CXCL17: variants seen among roughly 807,000 people sequenced by gnomAD.
CXCL17 encodes the protein C-X-C motif chemokine ligand 17.
Under a neutral mutation model 15.5 loss-of-function variants are expected in CXCL17, and 9 were observed. The ratio of observed to expected loss-of-function variants is 0.58; its 90% CI spans 0.35 to 1.01. CXCL17 has a LOEUF of 1.01. CXCL17 is among the 50% of genes least tolerant of loss of function. The pLI, the probability that CXCL17 is intolerant of heterozygous loss-of-function variation, is 0.02. For missense variants in CXCL17, 133 were observed against 138.2 expected, an observed-to-expected ratio of 0.96 and a Z score of 0.19; for synonymous variants, 52 against 52.3, an observed-to-expected ratio of 0.99 and a Z score of 0.02.
At chr19:42,438,353 T>C (rs2040853122) in intron 1 of CXCL17, among the ~76,000 whole-genome samples, 2 of 11,860 alleles carry the variant, frequency 1.7e-4, no homozygotes, top group Non-Finnish European at 2.4e-4. Flanking sequence ...AGACTCTGTC[T>C]CAAAAAAAAA....
chr19:42,438,395 T>TAC (rs2040856972), intron 1 of CXCL17, among the ~76,000 whole-genome samples: 1 of 102,238 alleles, frequency 9.8e-6, no homozygotes, highest in Non-Finnish European at 1.8e-5. Flanking sequence ...TATATATATA[T>TAC]ATATATATAT....
At chr19:42,433,194 A>G (rs1329583273) in intron 2 of CXCL17, 117 bp from the exon 3 acceptor site, 1 of 668,334 alleles carries the variant, frequency 1.5e-6, no homozygotes, top group Non-Finnish European at 2.6e-6. Context: ...ATGGGGTGGG[A>G]AAAGGGGTCA....
intron 3 of CXCL17, among the ~76,000 whole-genome samples, chr19:42,429,896 A>G (rs1420454988): frequency 1.3e-5 from 2 of 152,198 alleles, no homozygotes; most frequent in Non-Finnish European, 1.5e-5. Context: ...GGCCGGGCAT[A>G]GTGGCTTGTG....
intron 1 of CXCL17, 104 bp downstream of exon 1, chr19:42,442,650 T>G: frequency 1.3e-6 from 1 of 776,212 alleles, no homozygotes; most frequent in South Asian, 1.6e-5. Flanking sequence ...AAGGCTCACT[T>G]GCCCCATCCC....
intron 3 of CXCL17, among the ~76,000 whole-genome samples, chr19:42,431,135 T>C (rs1335235676): frequency 6.6e-6 from 1 of 152,252 alleles, no homozygotes; most frequent in East Asian, 1.9e-4. Flanking sequence ...CCACTGCACC[T>C]GGCCTCACTT....
chr19:42,441,099 T>TA (rs1171734465), intron 1 of CXCL17, among the ~76,000 whole-genome samples: 3 of 152,170 alleles, frequency 2.0e-5, no homozygotes, highest in Non-Finnish European at 4.4e-5. Flanking sequence ...AGTTAGCTAA[T>TA]GTTTGCTGAG....
rs377513416 is a variant in CXCL17, at chr19:42,433,021, T to G, written c.217A>C (p.Lys73Gln). The G allele has an allele frequency of 6.2e-7, 1 of 1,614,156 alleles. No individual in the cohort carries two copies. The highest frequency in any genetic ancestry group is 1.7e-5 in the Admixed American group (1 of 60,002). Residue 73 changes from lysine to glutamine, a missense_variant, in exon 3 of 4, where the codon AAG (lysine) becomes CAG (glutamine). Transcript: ENST00000601181. ...KFMTVSGLPKKQCPCDHFKGN... is the reference protein window; with the variant it reads ...KFMTVSGLPKQQCPCDHFKGN... ...TTGAAATGATCACAGGGGCACTGCTTCTTTGGCAGCCCAGACACTGTCATG... is the reference window on the plus strand; with the variant it reads ...TTGAAATGATCACAGGGGCACTGCTGCTTTGGCAGCCCAGACACTGTCATG...
chr19:42,431,256 C>T (rs1220597111), intron 3 of CXCL17, among the ~76,000 whole-genome samples: 2 of 152,128 alleles, frequency 1.3e-5, no homozygotes, highest in African/African-American at 2.4e-5. Flanking sequence ...TATTTTTGCC[C>T]GTTTGTCTGT....
chr19:42,434,060 T>C (rs1376307669), intron 1 of CXCL17, among the ~76,000 whole-genome samples: 2 of 152,220 alleles, frequency 1.3e-5, no homozygotes, highest in East Asian at 1.9e-4. Context: ...TCTTGAACTC[T>C]TGGGCTCCAG....
intron 2 of CXCL17, 123 bp from the exon 3 acceptor site, chr19:42,433,200 G>T: frequency 1.5e-6 from 1 of 650,808 alleles, no homozygotes; most frequent in Non-Finnish European, 2.7e-6. Context: ...TGGGAAAAGG[G>T]GTCAACAGAG....
At chr19:42,434,367 G>A (rs2040812674) in intron 1 of CXCL17, among the ~76,000 whole-genome samples, 2 of 152,126 alleles carry the variant, frequency 1.3e-5, no homozygotes, top group Non-Finnish European at 1.5e-5. Context: ...GAGTGAGAGC[G>A]AGGAGGAGAT....
intron 1 of CXCL17, among the ~76,000 whole-genome samples, chr19:42,438,407 A>ATAT (rs1568622705): frequency 1.5e-4 from 15 of 101,108 alleles, no homozygotes; most frequent in African/African-American, 7.6e-4. Context: ...TATATATATA[A>ATAT]AATACACACA....
intron 1 of CXCL17, among the ~76,000 whole-genome samples, chr19:42,437,096 C>A (rs1487480164): frequency 2.6e-5 from 4 of 152,056 alleles, no homozygotes; most frequent in Non-Finnish European, 5.9e-5. Context: ...CACCACCATG[C>A]CTGGCTAATT....
intron 1 of CXCL17, among the ~76,000 whole-genome samples, chr19:42,438,736 A>G (rs1303040661): frequency 1.3e-5 from 2 of 152,072 alleles, no homozygotes; most frequent in Non-Finnish European, 2.9e-5. Flanking sequence ...TGGGGCAGAA[A>G]AACACAAGAG....
At chr19:42,432,835 G>T (rs1182663857) in intron 3 of CXCL17, 141 bp downstream of exon 3, 1 of 672,368 alleles carries the variant, frequency 1.5e-6, no homozygotes, top group Non-Finnish European at 2.6e-6. Flanking sequence ...TCCCGACAAG[G>T]TGACATTGAG....
intron 2 of CXCL17, 100 bp downstream of exon 2, chr19:42,433,676 G>A: frequency 1.0e-6 from 1 of 969,084 alleles, no homozygotes; most frequent in East Asian, 2.4e-5. Context: ...GAATGGGTGA[G>A]GTCAGCTGAG....
intron 3 of CXCL17, among the ~76,000 whole-genome samples, 171 bp from the exon 4 acceptor site, chr19:42,429,152 C>T (rs2040749447): frequency 6.6e-6 from 1 of 151,858 alleles, no homozygotes; most frequent in Non-Finnish European, 1.5e-5. Flanking sequence ...CTCAGCCTCC[C>T]AAGTAGCTGG....
In CXCL17 at chr19:42,442,811, G is replaced by A. The variant is rs1236153327; in HGVS notation, c.22C>T (p.Leu8Phe). MKVLISS[L>F]LLLLPLMLMS... ...AGCATTAGTGGCAGCAACAGGAGGA[G>A]GGAAGAGATTAGAACTTTCATCGCA... The change falls in exon 1 of 4, where the codon CTC (leucine) becomes TTC (phenylalanine). Residue 8 changes from leucine (L) to phenylalanine (F), a missense_variant. Leu to Phe is a conservative substitution (Grantham distance 22, BLOSUM62 0). Coordinates refer to ENST00000601181, the MANE Select transcript of CXCL17 (RefSeq NM_198477.3). 3.7e-6 allele frequency: 6 copies of A among 1,613,568 alleles called. No individual in the cohort carries two copies. The highest frequency in any genetic ancestry group is 5.1e-6 in the Non-Finnish European group (6 of 1,179,740).
rs367997502 is a variant in CXCL17 at position 42,435,504 on chromosome 19, G to A, written c.80-1648C>T. Among the ~76,000 whole-genome samples the A allele has an allele frequency of 4.7e-4, 72 of 152,000 alleles. No individual in the cohort carries two copies. The Middle Eastern group carries it at 0.01, about 22-fold the overall frequency. Reference sequence around the variant, plus strand: ...TGATTAAAATCAGGCTGTTATGGTGGGCCCTACACCAGTCTGCCTGGTGTC... The same window carrying A: ...TGATTAAAATCAGGCTGTTATGGTGAGCCCTACACCAGTCTGCCTGGTGTC... On this transcript the variant is annotated intron_variant, in intron 1 of 3. Transcript: ENST00000601181.
Sources: gnomAD v4.1 joint callset for allele counts (sites outside exome capture counted in the v4.1 genomes callset) on GRCh38, gnomAD v4.1.1 for gene constraint, MANE v1.5 for transcripts, NCBI Gene and HGNC (gene_info 2026-07-23, HGNC 2026-07-21) for gene names.